GALNT13: variants seen among roughly 807,000 people sequenced by gnomAD.
GALNT13 encodes polypeptide N-acetylgalactosaminyltransferase 13.
In GALNT13, 28 loss-of-function variants were observed where a neutral mutation model predicts 64.2. The ratio of observed to expected loss-of-function variants is 0.44; its 90% CI spans 0.32 to 0.60. The LOEUF is 0.60. Ranked by LOEUF, GALNT13 falls within the 20% of genes least tolerant of loss-of-function variation. The pLI is 0.05. For synonymous variants in GALNT13, 214 were observed against 224.6 expected (o/e 0.95, Z 0.42); for missense variants, 577 against 669.8 (o/e 0.86, Z 1.53).
At chr2:153,697,489 G>C in the GALNT13 span, among the ~76,000 whole-genome samples, 2,512 of 151,860 alleles carry the variant, frequency 0.017, 73 homozygotes, top group African/African-American at 0.058. Context: ...TCCATTGGCT[G>C]AGAAAAAAAA....
At chr2:154,325,677 A>G (rs1694840524) in intron 9 of GALNT13, among the ~76,000 whole-genome samples, 1 of 152,120 alleles carries the variant, frequency 6.6e-6, no homozygotes, top group Non-Finnish European at 1.5e-5. Context: ...TAGTATAGTC[A>G]TATAATGTAT....
At chr2:153,637,242 C>A in the GALNT13 span, among the ~76,000 whole-genome samples, 2 of 152,010 alleles carry the variant, frequency 1.3e-5, no homozygotes, top group African/African-American at 4.8e-5. Context: ...TATTAATTCC[C>A]TTTGAAGTCC....
chr2:153,632,201 T>G, the GALNT13 span, among the ~76,000 whole-genome samples: 1 of 152,184 alleles, frequency 6.6e-6, no homozygotes, highest in South Asian at 2.1e-4. Flanking sequence ...TTAAAACAAA[T>G]TAATAGACTT....
At chr2:153,368,738 ATTC>A in the GALNT13 span, among the ~76,000 whole-genome samples, 11 of 152,152 alleles carry the variant, frequency 7.2e-5, no homozygotes, top group Non-Finnish European at 1.5e-4. Flanking sequence ...ATACTTCACC[ATTC>A]TTCTGTCAGT....
chr2:153,911,522 A>C (rs549935800), intron 2 of GALNT13, among the ~76,000 whole-genome samples: 2 of 152,168 alleles, frequency 1.3e-5, no homozygotes, highest in East Asian at 3.9e-4. Context: ...GTGTACTTAA[A>C]TGTGTTTCTG....
intron 3 of GALNT13, among the ~76,000 whole-genome samples, chr2:153,950,842 C>T (rs780266735): frequency 1.3e-5 from 2 of 151,844 alleles, no homozygotes; most frequent in African/African-American, 2.4e-5. Context: ...CTGTGTGACA[C>T]GATAATTTGT....
At chr2:153,632,948 A>T in the GALNT13 span, among the ~76,000 whole-genome samples, 6 of 151,864 alleles carry the variant, frequency 4.0e-5, no homozygotes, top group Admixed American at 3.3e-4. Context: ...TTTAGTAGAG[A>T]TGTGGTTTCA....
At chr2:153,189,932 T>C in the GALNT13 span, among the ~76,000 whole-genome samples, 4 of 152,082 alleles carry the variant, frequency 2.6e-5, no homozygotes, top group African/African-American at 9.7e-5. Context: ...AGATTATTTG[T>C]CCAATTTTTA....
the GALNT13 span, among the ~76,000 whole-genome samples, chr2:153,795,624 TA>T: frequency 6.6e-6 from 1 of 152,156 alleles, no homozygotes; most frequent in Non-Finnish European, 1.5e-5. Flanking sequence ...GACCTCTACA[TA>T]AAATATGCTT....
chr2:153,889,306 TA>T (rs998088410), intron 1 of GALNT13, among the ~76,000 whole-genome samples: 117 of 150,818 alleles, frequency 7.8e-4, no homozygotes, highest in African/African-American at 2.5e-3. Flanking sequence ...CCAGGTGGAT[TA>T]AAAAAAAATG....
chr2:153,240,104 G>A, the GALNT13 span, among the ~76,000 whole-genome samples: 1 of 151,990 alleles, frequency 6.6e-6, no homozygotes, highest in Non-Finnish European at 1.5e-5. Context: ...CAATTTGTTG[G>A]CATATAGTTG....
chr2:154,188,949 T>G (rs957643821), intron 4 of GALNT13, among the ~76,000 whole-genome samples: 2 of 152,298 alleles, frequency 1.3e-5, no homozygotes, highest in African/African-American at 4.8e-5. Flanking sequence ...TGCAACAACT[T>G]AATAACTAGT....
At chr2:153,808,552 C>T in the GALNT13 span, among the ~76,000 whole-genome samples, 1 of 152,062 alleles carries the variant, frequency 6.6e-6, no homozygotes. Flanking sequence ...AACTTTATTC[C>T]TGACATTATT....
intron 4 of GALNT13, among the ~76,000 whole-genome samples, chr2:154,194,486 A>G (rs1448319600): frequency 1.3e-5 from 2 of 152,210 alleles, no homozygotes; most frequent in African/African-American, 2.4e-5. Flanking sequence ...GTTCAGCCTT[A>G]GAGTGAACAG....
At chr2:153,224,033 G>C in the GALNT13 span, among the ~76,000 whole-genome samples, 1 of 152,172 alleles carries the variant, frequency 6.6e-6, no homozygotes, top group Non-Finnish European at 1.5e-5. Context: ...AGTGCTTAAA[G>C]GGAAATGTAT....
chr2:153,976,167 C>T lies in GALNT13; in HGVS notation c.142+31528C>T, dbSNP rs146920432. Among the ~76,000 whole-genome samples, 94 of 152,120 alleles carry T rather than the reference C, an allele frequency of 6.2e-4. 1 individual carries two copies. In the East Asian group the frequency reaches 0.018, roughly 28 times the overall value. ...GTTTACAACCTGTAGAGGATATGTTCTATAAAAGTGAAAATTTGTATATCT... is the reference window on the plus strand; with the variant it reads ...GTTTACAACCTGTAGAGGATATGTTTTATAAAAGTGAAAATTTGTATATCT... On this transcript the variant is annotated intron_variant, in intron 3 of 12. Transcript: ENST00000392825.
At chr2:153,505,550 G>A in the GALNT13 span, among the ~76,000 whole-genome samples, 2 of 151,920 alleles carry the variant, frequency 1.3e-5, no homozygotes, top group Admixed American at 1.3e-4. Flanking sequence ...GGTTTTGATG[G>A]GTTGTGTCAC....
At chr2:154,031,586 CA>C (rs571342328) in intron 3 of GALNT13, among the ~76,000 whole-genome samples, 5 of 151,476 alleles carry the variant, frequency 3.3e-5, no homozygotes, top group Middle Eastern at 3.4e-3. Flanking sequence ...AAGCATCAAC[CA>C]AAAAAACTAG....
chr2:153,817,807 T>C, the GALNT13 span, among the ~76,000 whole-genome samples: 1 of 152,200 alleles, frequency 6.6e-6, no homozygotes, highest in Non-Finnish European at 1.5e-5. Flanking sequence ...CCAAAAAGTA[T>C]AAACTACCCA....
Sources: gnomAD v4.1 joint callset for allele counts (sites outside exome capture counted in the v4.1 genomes callset) on GRCh38, gnomAD v4.1.1 for gene constraint, MANE v1.5 for transcripts, NCBI Gene and HGNC (gene_info 2026-07-23, HGNC 2026-07-21) for gene names.